Variants in MR1 observed in about 807,000 individuals in gnomAD.
MR1 encodes the protein major histocompatibility complex class I-related protein 1.
MR1 carries 44 observed loss-of-function variants against 37.8 expected under a neutral mutation model. The observed-to-expected ratio is 1.16, with a 90% confidence interval of 0.91 to 1.50. MR1 has a LOEUF of 1.50. Ranked by LOEUF, MR1 falls within the 40% of genes most tolerant of loss-of-function variation. The probability of loss-of-function intolerance (pLI) is 0.00; values close to 1 mark genes in which losing one functional copy is unlikely to be tolerated. For synonymous variants in MR1, 153 were observed against 155.8 expected (o/e 0.98, Z 0.13); for missense variants, 386 against 419.1 (o/e 0.92, Z 0.69).
chr1:181,048,413 T>A (rs573071203), intron 1 of MR1, among the ~76,000 whole-genome samples: 60 of 150,670 alleles, frequency 4.0e-4, no homozygotes, highest in South Asian at 1.7e-3. Flanking sequence ...TGTGTGCCTG[T>A]AATCTCAGCT....
intron 1 of MR1, among the ~76,000 whole-genome samples, chr1:181,038,561 G>A (rs1464844967): frequency 6.6e-6 from 1 of 152,218 alleles, no homozygotes; most frequent in Non-Finnish European, 1.5e-5. Flanking sequence ...AAGGTCTGGA[G>A]CCTGTGGCCC....
chr1:181,060,248 A>T lies in MR1; in HGVS notation c.*4983A>T, dbSNP rs1424154293. The T allele has an allele frequency of 1.3e-5, 2 of 152,164 alleles. No individual in the cohort carries two copies. The highest frequency in any genetic ancestry group is 4.1e-4 in the South Asian group (2 of 4,824). The allele number at this position is 152,164 out of a possible 1,614,324, so 9.4% of individuals were successfully genotyped here. On this transcript the variant is annotated 3_prime_UTR_variant, in exon 6 of 6. Coordinates refer to ENST00000367580, the MANE Select transcript of MR1 (RefSeq NM_001385161.1). The stretch of plus-strand genomic sequence containing the variant: ...TCCTTTTTTCATGAGGCCATCAGTC[A>T]TACTGGATTAGGGACCCACTCTACT...
chr1:181,038,380 C>A (rs565803931), intron 1 of MR1, among the ~76,000 whole-genome samples: 1 of 152,178 alleles, frequency 6.6e-6, no homozygotes. Context: ...AAAATATTGC[C>A]ACCTACTTCT....
intron 1 of MR1, among the ~76,000 whole-genome samples, chr1:181,048,224 T>TA (rs150048614): frequency 7.9e-6 from 1 of 126,968 alleles, no homozygotes. Flanking sequence ...CTCAAAAAAA[T>TA]AAATAAAATA....
rs1002771736 is a variant in MR1 at position 181,060,828 on chromosome 1, A to C, written c.*5563A>C. 6.6e-6 allele frequency: 1 copy of C among 152,228 alleles called. No homozygotes were observed. The highest frequency in any genetic ancestry group is 2.4e-5 in the African/African-American group (1 of 41,436). The allele number at this position is 152,228 out of a possible 1,614,324, so 9.4% of individuals were successfully genotyped here. A position where few individuals can be genotyped will look rare whatever the true frequency, so the allele number is the denominator to read the frequency against. On this transcript the variant is annotated 3_prime_UTR_variant, in exon 6 of 6. Transcript: ENST00000367580. ...CCTGCCTGGCTGGTTCTCAGTAAGAAGGTCAAGTTCAACCAGAGGGGAGAT... is the reference window on the plus strand; with the variant it reads ...CCTGCCTGGCTGGTTCTCAGTAAGACGGTCAAGTTCAACCAGAGGGGAGAT...
chr1:181,048,617 G>T (rs1359288314), intron 1 of MR1, among the ~76,000 whole-genome samples: 1 of 152,158 alleles, frequency 6.6e-6, no homozygotes, highest in Non-Finnish European at 1.5e-5. Context: ...TGGAGTGGGG[G>T]TCCTCATTTA....
chr1:181,051,075 A>G (rs773205339), intron 3 of MR1: 23 of 152,258 alleles, frequency 1.5e-4, no homozygotes, highest in African/African-American at 5.3e-4. Context: ...TTTAGTTCAT[A>G]TAGAACTTTT....
At position 181,044,899 on chromosome 1, in the gene MR1, A is replaced by G. The variant is rs564527665; in HGVS notation, c.68-4153A>G. On this transcript the variant is annotated intron_variant, in intron 1 of 5. Transcript: ENST00000367580. ...GAAGGAGCAAGAAACAGGAAGAAAA[A>G]GAGGTGAGTCTCAGGCTGAGGGCCG... Among the ~76,000 whole-genome samples, 9 of 152,328 alleles carry G rather than the reference A, an allele frequency of 5.9e-5. No homozygotes were observed. In the East Asian group the frequency reaches 1.5e-3, roughly 26 times the overall value.
At chr1:181,044,918 A>G (rs1304880109) in intron 1 of MR1, among the ~76,000 whole-genome samples, 1 of 152,204 alleles carries the variant, frequency 6.6e-6, no homozygotes, top group Non-Finnish European at 1.5e-5. Context: ...TCTCAGGCTG[A>G]GGGCCGGGGA....
At chr1:181,054,612 G>C (rs531979810) in intron 5 of MR1, among the ~76,000 whole-genome samples, 7 of 152,092 alleles carry the variant, frequency 4.6e-5, no homozygotes, top group African/African-American at 1.7e-4. Flanking sequence ...AGCACTTTGA[G>C]AGGCCGAGGC....
chr1:181,045,656 A>AGGTGACAGCGTGCTGGCAGT (rs1657812371), intron 1 of MR1, among the ~76,000 whole-genome samples: 1 of 152,072 alleles, frequency 6.6e-6, no homozygotes, highest in Non-Finnish European at 1.5e-5. Context: ...TAACACTGAG[A>AGGTGACAGCGTGCTGGCAGT]GGTGACAGCG....
At chr1:181,042,087 G>A (rs893918241) in intron 1 of MR1, among the ~76,000 whole-genome samples, 1 of 152,014 alleles carries the variant, frequency 6.6e-6, no homozygotes, top group Non-Finnish European at 1.5e-5. Context: ...CTTTCCAGAT[G>A]TGAAAAAATA....
chr1:181,053,626 G>C lies in MR1; in HGVS notation c.934G>C (p.Val312Leu), dbSNP rs1480349157. The C allele has an allele frequency of 1.2e-6, 2 of 1,613,952 alleles. No individual in the cohort carries two copies. Among genetic ancestry groups the C allele is most frequent in the East Asian group, 2.2e-5 (1 of 44,886 alleles). The change falls in exon 5 of 6, where the codon GTC becomes CTC. Residue 312 changes from valine (V) to leucine (L), a missense_variant. Coordinates refer to ENST00000367580, the MANE Select transcript of MR1 (RefSeq NM_001385161.1). ...MKAVSGSIVL[V>L]IVLAGVGVLV... Reference sequence around the variant, plus strand: ...AGCTGTCTCTGGGTCCATTGTCCTTGTCATTGTGCTGGCTGGAGTTGGTGT... The same window carrying C: ...AGCTGTCTCTGGGTCCATTGTCCTTCTCATTGTGCTGGCTGGAGTTGGTGT...
At chr1:181,035,382 G>A (rs955572849) in intron 1 of MR1, among the ~76,000 whole-genome samples, 2 of 151,970 alleles carry the variant, frequency 1.3e-5, no homozygotes, top group South Asian at 2.1e-4. Context: ...TTGATTGATG[G>A]CCTACTATGT....
chr1:181,048,838 C>T (rs553127148), intron 1 of MR1, among the ~76,000 whole-genome samples: 27 of 152,300 alleles, frequency 1.8e-4, no homozygotes, highest in African/African-American at 6.0e-4. Context: ...CAAACCTGAA[C>T]GAGAAAGGCT....
intron 1 of MR1, among the ~76,000 whole-genome samples, chr1:181,038,641 C>G (rs953676379): frequency 2.0e-5 from 3 of 152,054 alleles, no homozygotes; most frequent in African/African-American, 2.4e-5. Flanking sequence ...AGTGATAATC[C>G]AGGGGCTAGA....
At position 181,057,548 on chromosome 1, in the gene MR1, G is replaced by T. The variant is rs1012869367; in HGVS notation, c.*2283G>T. The T allele has an allele frequency of 6.6e-6, 1 of 152,180 alleles. No homozygotes were observed. The highest frequency in any genetic ancestry group is 6.5e-5 in the Admixed American group (1 of 15,274). 9.4% of individuals were successfully genotyped at this position (152,180 alleles called of 1,614,324 possible). A position where few individuals can be genotyped will look rare whatever the true frequency, so the allele number is the denominator to read the frequency against. ...AAAGACACAGATAAAAAGCCTCTGT[G>T]TTTCCAAGGCCTTGCCCTACACCTA... On this transcript the variant is annotated 3_prime_UTR_variant, in exon 6 of 6. Transcript: ENST00000367580.
intron 1 of MR1, among the ~76,000 whole-genome samples, chr1:181,036,742 A>C (rs909130941): frequency 6.6e-6 from 1 of 152,254 alleles, no homozygotes; most frequent in Non-Finnish European, 1.5e-5. Context: ...CCTTAAAGAC[A>C]GAAAGAGATA....
At chr1:181,042,656 A>C (rs1389269420) in intron 1 of MR1, among the ~76,000 whole-genome samples, 1 of 151,838 alleles carries the variant, frequency 6.6e-6, no homozygotes, top group Non-Finnish European at 1.5e-5. Context: ...AAATACAAAA[A>C]TTAGCCAGGC....
Sources: allele counts gnomAD v4.1 joint callset (sites outside exome capture counted in the v4.1 genomes callset), GRCh38; gene constraint gnomAD v4.1.1; transcripts MANE v1.5; gene names NCBI Gene and HGNC (gene_info 2026-07-23, HGNC 2026-07-21).